Variants in ABCA4 observed in about 807,000 individuals in gnomAD.
ABCA4 encodes retinal-specific phospholipid-transporting ATPase ABCA4.
Under a neutral mutation model 263.7 loss-of-function variants are expected in ABCA4, and 196 were observed. That is an observed-to-expected ratio of 0.74 (90% CI 0.66 to 0.84). The LOEUF (loss-of-function observed/expected upper bound fraction) is 0.84, where lower values mean the gene tolerates loss of function less well. Ranked by LOEUF, ABCA4 falls within the 40% of genes least tolerant of loss-of-function variation. The probability of loss-of-function intolerance (pLI) is 0.00; values close to 1 mark genes in which losing one functional copy is unlikely to be tolerated. For missense variants in ABCA4, 2,792 were observed against 2,855.1 expected, an observed-to-expected ratio of 0.98 and a Z score of 0.50; for synonymous variants, 1,133 against 1,094.2, an observed-to-expected ratio of 1.04 and a Z score of -0.70.
chr1:94,036,423 C>G (rs1186043736), intron 26 of ABCA4, among the ~76,000 whole-genome samples: 1 of 150,586 alleles, frequency 6.6e-6, no homozygotes, highest in Non-Finnish European at 1.5e-5. Flanking sequence ...GTCGCTCAGG[C>G]TGCAGTGCAG....
chr1:94,090,695 A>G (rs1218090910), intron 6 of ABCA4, among the ~76,000 whole-genome samples: 3 of 152,064 alleles, frequency 2.0e-5, no homozygotes, highest in Admixed American at 6.6e-5. Context: ...CTATCTCTCC[A>G]CTAGACTGTA....
At chr1:94,081,396 T>C (rs185735479) in intron 7 of ABCA4, among the ~76,000 whole-genome samples, 34 of 152,046 alleles carry the variant, frequency 2.2e-4, no homozygotes, top group Non-Finnish European at 4.4e-4. Flanking sequence ...CCCACCAAGA[T>C]GGGGATACTG....
At chr1:94,111,343 T>A in intron 3 of ABCA4, 95 bp downstream of exon 3, 1 of 1,509,036 alleles carries the variant, frequency 6.6e-7, no homozygotes. Context: ...ACAAGAACAC[T>A]CAGTGCTCCA....
chr1:94,054,418 C>T (rs1660916332), intron 16 of ABCA4, among the ~76,000 whole-genome samples: 1 of 152,122 alleles, frequency 6.6e-6, no homozygotes, highest in Admixed American at 6.5e-5. Context: ...GTTTACAGAG[C>T]CATAGTTATG....
intron 6 of ABCA4, among the ~76,000 whole-genome samples, chr1:94,084,062 G>A (rs891535689): frequency 1.3e-5 from 2 of 152,210 alleles, no homozygotes; most frequent in Non-Finnish European, 2.9e-5. Context: ...ACTCACCACT[G>A]CTCCTGCTTT....
chr1:94,015,649 A>G (rs1659712332), intron 37 of ABCA4, 90 bp downstream of exon 37: 2 of 1,094,630 alleles, frequency 1.8e-6, no homozygotes, highest in Non-Finnish European at 2.8e-6. Context: ...CCACCACAGG[A>G]CAGCCCAGGT....
chr1:94,070,914 T>G (rs548171958), intron 11 of ABCA4, among the ~76,000 whole-genome samples: 1 of 152,288 alleles, frequency 6.6e-6, no homozygotes, highest in South Asian at 2.1e-4. Flanking sequence ...AAGCCTGGGA[T>G]TTTAGAAAGA....
Position 94,031,865 on chromosome 1 carries a change from C to T in ABCA4, c.4041G>A (p.Gly1347=). 1 of 1,614,168 alleles carries T rather than the reference C, an allele frequency of 6.2e-7. No individual in the cohort carries two copies. The highest frequency in any genetic ancestry group is 1.1e-5 in the South Asian group (1 of 91,084). The change falls in exon 27 of 50, where the codon GGG becomes GGA. Residue 1347 remains glycine, a synonymous_variant. Transcript: ENST00000370225. ...GCACATGCTGGAGGACCAGCTGTGT[C>T]CCCGTGTTGAGCTGCGGGCCTGGGC... ...PECPGPQLNT[G]TQLVLQHVQA...
chr1:94,047,976 G>A (rs535865709), intron 18 of ABCA4, among the ~76,000 whole-genome samples: 2 of 152,154 alleles, frequency 1.3e-5, no homozygotes, highest in South Asian at 2.1e-4. Context: ...TCTTCTATCC[G>A]TGCCTCCTGG....
intron 36 of ABCA4, chr1:94,019,251 C>T (rs1244767913): frequency 2.0e-5 from 5 of 253,148 alleles, no homozygotes; most frequent in South Asian, 6.6e-5. Flanking sequence ...ACCTTCTCAG[C>T]GCCAGACTGA....
chr1:94,063,377 T>C, intron 11 of ABCA4, 60 bp from the exon 12 acceptor site: 3 of 1,506,046 alleles, frequency 2.0e-6, no homozygotes, highest in South Asian at 1.1e-5. Context: ...GACTCAACTC[T>C]ACACACAGAA....
intron 6 of ABCA4, among the ~76,000 whole-genome samples, chr1:94,091,863 T>A (rs1362053780): frequency 6.6e-6 from 1 of 152,198 alleles, no homozygotes; most frequent in Non-Finnish European, 1.5e-5. Flanking sequence ...CCAAGATGAT[T>A]CCGGCCCTAA....
intron 24 of ABCA4, among the ~76,000 whole-genome samples, chr1:94,038,646 A>C (rs1364282458): frequency 1.3e-5 from 2 of 152,214 alleles, no homozygotes; most frequent in African/African-American, 2.4e-5. Flanking sequence ...CTCTGCCCTA[A>C]TAGCTCTCCA....
At chr1:94,109,501 G>A (rs1374302453) in intron 3 of ABCA4, among the ~76,000 whole-genome samples, 2 of 152,240 alleles carry the variant, frequency 1.3e-5, no homozygotes, top group African/African-American at 2.4e-5. Context: ...GGGTCAACCC[G>A]ATTTGTTCCC....
At position 94,051,655 on chromosome 1, in the gene ABCA4, C is replaced by T; in HGVS notation, c.2631G>A (p.Glu877=). 7.4e-6 allele frequency: 12 copies of T among 1,614,082 alleles called. No individual in the cohort carries two copies. Among genetic ancestry groups the T allele is most frequent in the Non-Finnish European group, 1.0e-5 (12 of 1,179,894 alleles). ...TPLPWYFLLQ[E]SYWLGGEGCS... ...CACCTTCACCGCCAAGCCAATACGA[C>T]TCTTGTAGAAGAAAGTACCAAGGAA... The change falls in exon 17 of 50, where the codon GAG becomes GAA. Residue 877 remains glutamate (E), a synonymous_variant. Coordinates refer to ENST00000370225, the MANE Select transcript of ABCA4 (RefSeq NM_000350.3).
In ABCA4 at chr1:94,031,072, C is replaced by T. The variant is rs1045163391; in HGVS notation, c.4177G>A (p.Val1393Ile). 9.3e-6 allele frequency: 15 copies of T among 1,613,960 alleles called. No homozygotes were observed. The highest frequency in any genetic ancestry group is 1.3e-5 in the Non-Finnish European group (15 of 1,179,998). The stretch of plus-strand genomic sequence containing the variant: ...GGGTATTCGCCAAAAGGAGGGATAA[C>T]AATAGAAAGCATCAGAGCCAAAAAC... ...FVFLALMLSIVIPPFGEYPAL... is the reference protein window; with the variant it reads ...FVFLALMLSIIIPPFGEYPAL... The change falls in exon 28 of 50, where the codon GTT (valine) becomes ATT (isoleucine). Residue 1393 changes from valine to isoleucine, a missense_variant. Val to Ile is a conservative substitution (Grantham distance 29). Coordinates refer to ENST00000370225, the MANE Select transcript of ABCA4 (RefSeq NM_000350.3).
chr1:94,049,479 C>T lies in ABCA4; in HGVS notation c.2654-522G>A, dbSNP rs192366304. On this transcript the variant is annotated intron_variant, in intron 17 of 49. Coordinates refer to ENST00000370225, the MANE Select transcript of ABCA4 (RefSeq NM_000350.3). ...TATCTACTAAAAATACAAAAATTAG[C>T]CGGGTGGGGTGGCGCTCACCTGTAA... Among the ~76,000 whole-genome samples, 42 of 152,216 alleles carry T rather than the reference C, an allele frequency of 2.8e-4. No individual in the cohort carries two copies. The East Asian group carries it at 6.6e-3, about 24-fold the overall frequency.
chr1:93,996,886 G>A (rs1372653277), intron 48 of ABCA4, among the ~76,000 whole-genome samples: 1 of 152,204 alleles, frequency 6.6e-6, no homozygotes, highest in African/African-American at 2.4e-5. Context: ...TAATAAGCCA[G>A]ACACAAAAGG....
At chr1:94,013,292 T>A (rs1429616848) in intron 38 of ABCA4, among the ~76,000 whole-genome samples, 1 of 152,182 alleles carries the variant, frequency 6.6e-6, no homozygotes, top group East Asian at 1.9e-4. Context: ...TGAGGCTTCG[T>A]TACTTGCCTA....
Sources: allele counts gnomAD v4.1 joint callset (sites outside exome capture counted in the v4.1 genomes callset), GRCh38; gene constraint gnomAD v4.1.1; transcripts MANE v1.5; gene names NCBI Gene and HGNC (gene_info 2026-07-23, HGNC 2026-07-21).